Variants in HERC2 observed in about 807,000 individuals in gnomAD.
HERC2 encodes E3 ubiquitin-protein ligase HERC2.
Under a neutral mutation model 537.7 loss-of-function variants are expected in HERC2, and 102 were observed. The ratio of observed to expected loss-of-function variants is 0.19; its 90% CI spans 0.16 to 0.22. The LOEUF (loss-of-function observed/expected upper bound fraction) is 0.22, where lower values mean the gene tolerates loss of function less well. Ranked by LOEUF, HERC2 falls within the 10% of genes least tolerant of loss-of-function variation. The pLI is 1.00. For synonymous variants in HERC2, 2,224 were observed against 2,466.2 expected, an observed-to-expected ratio of 0.90 and a Z score of 2.91; for missense variants, 4,236 against 6,198.2, an observed-to-expected ratio of 0.68 and a Z score of 10.63.
intron 2 of HERC2, among the ~76,000 whole-genome samples, chr15:28,308,570 G>A (rs2076855688): frequency 6.6e-6 from 1 of 152,192 alleles, no homozygotes; most frequent in Non-Finnish European, 1.5e-5. Flanking sequence ...GCTCTAGCAA[G>A]AACTTCCAGT....
intron 70 of HERC2, among the ~76,000 whole-genome samples, chr15:28,148,408 A>G (rs1371699617): frequency 6.6e-6 from 1 of 152,214 alleles, no homozygotes; most frequent in Non-Finnish European, 1.5e-5. Flanking sequence ...CATTAACTCT[A>G]AAAGGCATGA....
At chr15:28,118,561 A>G (rs1331371244) in intron 86 of HERC2, 1 of 152,258 alleles carries the variant, frequency 6.6e-6, no homozygotes, top group Non-Finnish European at 1.5e-5. Context: ...AAACTAAATA[A>G]AATTCCCAAC....
At chr15:28,251,444 G>C (rs1350189463) in intron 20 of HERC2, among the ~76,000 whole-genome samples, 1 of 147,338 alleles carries the variant, frequency 6.8e-6, no homozygotes, top group East Asian at 2.1e-4. Context: ...CTCCATCTCG[G>C]GGGAAAAAAA....
In HERC2 at chr15:28,256,119, G is replaced by A. The variant is rs1596333216; in HGVS notation, c.2716C>T (p.Arg906Trp). 1.2e-6 allele frequency: 2 copies of A among 1,602,582 alleles called. No individual in the cohort carries two copies. Among genetic ancestry groups the A allele is most frequent in the South Asian group, 1.1e-5 (1 of 90,964 alleles). The change falls in exon 18 of 93, where the codon CGG (arginine) becomes TGG (tryptophan). Residue 906 changes from arginine to tryptophan, a missense_variant. Physicochemically the swap from Arg to Trp is moderately radical, Grantham distance 101. Transcript: ENST00000261609. ...CAGGGCAGGAGAGCAGAGAGTGCCCGGGCCCGCTCCTCCGCGGTGGGCAGC... is the reference window on the plus strand; with the variant it reads ...CAGGGCAGGAGAGCAGAGAGTGCCCAGGCCCGCTCCTCCGCGGTGGGCAGC... Reference protein sequence around the residue: ...VLLPTAEERARALSALLPCAV... With the variant: ...VLLPTAEERAWALSALLPCAV...
At chr15:28,237,229 G>T in intron 25 of HERC2, 116 bp from the exon 26 acceptor site, 2 of 806,102 alleles carry the variant, frequency 2.5e-6, no homozygotes, top group South Asian at 3.1e-5. Context: ...GGGTGCTCTG[G>T]GCATTCTGCC....
chr15:28,230,982 T>A (rs1376978089), intron 30 of HERC2, among the ~76,000 whole-genome samples: 1 of 150,478 alleles, frequency 6.6e-6, no homozygotes, highest in Admixed American at 6.6e-5. Context: ...AAAAAAAAGG[T>A]CTTAGTCCAT....
intron 68 of HERC2, among the ~76,000 whole-genome samples, chr15:28,165,463 G>A (rs940405687): frequency 1.3e-5 from 2 of 152,074 alleles, no homozygotes; most frequent in Admixed American, 1.3e-4. Flanking sequence ...GTGTGAACCG[G>A]TGGTTTTCCA....
Position 28,237,013 on chromosome 15 carries a change from G to A in HERC2, c.3953C>T (p.Ser1318Leu), listed in dbSNP as rs147535565. The A allele has an allele frequency of 5.2e-5, 84 of 1,611,844 alleles. No homozygotes were observed. Among genetic ancestry groups the A allele is most frequent in the African/African-American group, 1.9e-4 (14 of 74,860 alleles). ...CAGCGGTGTGCTCATTGCCAAATACGAAGCGTGTAATCCGAGAAGCAGGCC... is the reference window on the plus strand; with the variant it reads ...CAGCGGTGTGCTCATTGCCAAATACAAAGCGTGTAATCCGAGAAGCAGGCC... ...NLGLLLGLHASYLAMSTPLSP... is the reference protein window; with the variant it reads ...NLGLLLGLHALYLAMSTPLSP... Residue 1318 changes from serine to leucine, a missense_variant, in exon 26 of 93, where the codon TCG becomes TTG. Coordinates refer to ENST00000261609, the MANE Select transcript of HERC2 (RefSeq NM_004667.6).
intron 69 of HERC2, among the ~76,000 whole-genome samples, chr15:28,155,452 G>T (rs527515209): frequency 6.6e-6 from 1 of 152,076 alleles, no homozygotes; most frequent in African/African-American, 2.4e-5. Flanking sequence ...TTTAACGATC[G>T]CCATTCTAAC....
intron 69 of HERC2, among the ~76,000 whole-genome samples, chr15:28,153,770 G>T (rs1892702458): frequency 6.6e-6 from 1 of 152,218 alleles, no homozygotes. Context: ...ACCAAGACAA[G>T]ATTACTTCCT....
chr15:28,321,542 AAAAG>A, intron 1 of HERC2, 78 bp from the exon 2 acceptor site: 2 of 688,400 alleles, frequency 2.9e-6, no homozygotes, highest in Admixed American at 4.6e-5. Context: ...CAGAAAAGAA[AAAAG>A]AGAGAGAGAA....
chr15:28,271,091 G>C (rs1054085721), intron 9 of HERC2, among the ~76,000 whole-genome samples: 1 of 152,048 alleles, frequency 6.6e-6, no homozygotes, highest in African/African-American at 2.4e-5. Context: ...CATTGACTGC[G>C]CATGTATACA....
intron 70 of HERC2, among the ~76,000 whole-genome samples, chr15:28,148,866 T>C (rs1395117176): frequency 1.4e-5 from 2 of 141,358 alleles, no homozygotes; most frequent in Non-Finnish European, 3.0e-5. Flanking sequence ...AGAACATCAC[T>C]GAGAACGGCC....
At chr15:28,295,638 T>TC (rs1206096199) in intron 3 of HERC2, among the ~76,000 whole-genome samples, 1 of 152,120 alleles carries the variant, frequency 6.6e-6, no homozygotes, top group East Asian at 1.9e-4. Flanking sequence ...CCTCAGGTGA[T>TC]CCGCCTGCCT....
chr15:28,308,564 T>C (rs2076855544), intron 2 of HERC2, among the ~76,000 whole-genome samples: 1 of 152,242 alleles, frequency 6.6e-6, no homozygotes, highest in South Asian at 2.1e-4. Context: ...CTGATTGCTC[T>C]AGCAAGAACT....
In HERC2 at chr15:28,167,843, A is replaced by C. The variant is rs1348097670; in HGVS notation, c.10414-16T>G. On this transcript the variant is annotated splice_polypyrimidine_tract_variant and intron_variant, in intron 67 of 92. Coordinates refer to ENST00000261609, the MANE Select transcript of HERC2 (RefSeq NM_004667.6). ...AGGAAACAATCTAGTCCAAGAGTGC[A>C]CAGTAGGGGAAGTTTAAGTGGAAAA... 6.3e-7 allele frequency: 1 copy of C among 1,589,758 alleles called. No homozygotes were observed. The highest frequency in any genetic ancestry group is 2.2e-5 in the East Asian group (1 of 44,638).
intron 68 of HERC2, among the ~76,000 whole-genome samples, chr15:28,165,821 C>A (rs753449701): frequency 6.6e-6 from 1 of 151,928 alleles, no homozygotes; most frequent in Non-Finnish European, 1.5e-5. Flanking sequence ...AAAACAAAAA[C>A]TGATGTATGT....
intron 23 of HERC2, 58 bp downstream of exon 23, chr15:28,245,823 A>C (rs1048454973): frequency 4.3e-6 from 6 of 1,394,228 alleles, no homozygotes; most frequent in Non-Finnish European, 6.0e-6. Context: ...AAAGGCAAGA[A>C]TAGGTTAGAC....
intron 52 of HERC2, among the ~76,000 whole-genome samples, chr15:28,194,595 C>T (rs1196578420): frequency 2.7e-5 from 4 of 150,366 alleles, no homozygotes; most frequent in Admixed American, 2.0e-4. Flanking sequence ...CAAAACAAAA[C>T]AAAAAAACAG....
Sources: allele counts gnomAD v4.1 joint callset (sites outside exome capture counted in the v4.1 genomes callset), GRCh38; gene constraint gnomAD v4.1.1; transcripts MANE v1.5; gene names NCBI Gene and HGNC (gene_info 2026-07-23, HGNC 2026-07-21).